Variants in XNDC1N observed in about 807,000 individuals in gnomAD.
XNDC1N encodes XRCC1 N-terminal domain containing 1, N-terminal like.
chr11:71,917,237 C>T, the XNDC1N span: 2 of 628,120 alleles, frequency 3.2e-6, no homozygotes, highest in East Asian at 2.8e-5. Context: ...TGGTCTCGAA[C>T]TCCTGACCTC....
the XNDC1N span, chr11:71,865,904 A>T: frequency 2.3e-6 from 1 of 434,760 alleles, no homozygotes; most frequent in Non-Finnish European, 4.5e-6. Context: ...ATCTCTACAC[A>T]TTACTAAAAG....
At chr11:71,884,369 T>G in the XNDC1N span, 1 of 1,519,886 alleles carries the variant, frequency 6.6e-7, no homozygotes, top group Non-Finnish European at 8.8e-7. Context: ...AAAAAGTAAG[T>G]AATATTGTGT....
the XNDC1N span, among the ~76,000 whole-genome samples, chr11:71,894,689 A>G: frequency 1.3e-5 from 2 of 152,230 alleles, no homozygotes; most frequent in Non-Finnish European, 2.9e-5. Context: ...AATCACAACC[A>G]TCTTTTCATA....
the XNDC1N span, among the ~76,000 whole-genome samples, chr11:71,896,504 A>G: frequency 6.6e-6 from 1 of 151,218 alleles, no homozygotes; most frequent in Admixed American, 6.5e-5. Context: ...GAAGCTTCCT[A>G]ACTTTCTCAT....
chr11:71,886,772 C>G, the XNDC1N span, among the ~76,000 whole-genome samples: 1 of 151,998 alleles, frequency 6.6e-6, no homozygotes. Flanking sequence ...TGTTTGTAAA[C>G]AGGGATGCAG....
At chr11:71,897,147 G>A in the XNDC1N span, among the ~76,000 whole-genome samples, 5 of 151,616 alleles carry the variant, frequency 3.3e-5, no homozygotes, top group African/African-American at 4.9e-5. Flanking sequence ...CATTGGCCAC[G>A]CTTTCATGAC....
the XNDC1N span, among the ~76,000 whole-genome samples, chr11:71,891,135 G>A: frequency 0.025 from 3,798 of 152,016 alleles, 65 homozygotes; most frequent in Middle Eastern, 0.061. Flanking sequence ...CAGGAGGGGT[G>A]TACACCCTCT....
chr11:71,870,391 C>G, the XNDC1N span, among the ~76,000 whole-genome samples: 1 of 152,174 alleles, frequency 6.6e-6, no homozygotes, highest in African/African-American at 2.4e-5. Flanking sequence ...TCCTGGGAAG[C>G]TGGTACCAGG....
the XNDC1N span, among the ~76,000 whole-genome samples, chr11:71,899,089 G>T: frequency 6.6e-6 from 1 of 152,084 alleles, no homozygotes; most frequent in African/African-American, 2.4e-5. Flanking sequence ...TTATTATACG[G>T]ACATCCTTAG....
chr11:71,901,051 T>C, the XNDC1N span, among the ~76,000 whole-genome samples: 3 of 152,064 alleles, frequency 2.0e-5, no homozygotes, highest in Non-Finnish European at 4.4e-5. Context: ...GCTAGACCAG[T>C]GGGTGCCACA....
At chr11:71,902,365 G>C in the XNDC1N span, among the ~76,000 whole-genome samples, 1 of 150,578 alleles carries the variant, frequency 6.6e-6, no homozygotes, top group African/African-American at 2.5e-5. Flanking sequence ...CGAAGTGTTT[G>C]TATTTTTAGT....
the XNDC1N span, among the ~76,000 whole-genome samples, chr11:71,874,673 G>A: frequency 6.6e-6 from 1 of 152,074 alleles, no homozygotes; most frequent in African/African-American, 2.4e-5. Context: ...GAGAGAGACA[G>A]CAACCTTGTG....
the XNDC1N span, among the ~76,000 whole-genome samples, chr11:71,907,065 A>G: frequency 6.6e-6 from 1 of 152,164 alleles, no homozygotes; most frequent in Admixed American, 6.5e-5. Flanking sequence ...CAAGCTGTAC[A>G]CACATTGTGA....
chr11:71,884,035 T>C, the XNDC1N span, among the ~76,000 whole-genome samples: 553 of 152,328 alleles, frequency 3.6e-3, 6 homozygotes, highest in African/African-American at 0.012. Flanking sequence ...CCCCTCCACT[T>C]ACACTAGATT....
the XNDC1N span, among the ~76,000 whole-genome samples, chr11:71,920,464 C>T: frequency 6.6e-6 from 1 of 151,988 alleles, no homozygotes. Flanking sequence ...TGCACCACCA[C>T]GCCTGGCTAA....
chr11:71,907,313 C>T, the XNDC1N span, among the ~76,000 whole-genome samples: 2 of 151,944 alleles, frequency 1.3e-5, no homozygotes, highest in African/African-American at 2.4e-5. Flanking sequence ...CCCCTCTCCC[C>T]CACTGGATAT....
At chr11:71,917,612 C>G in the XNDC1N span, 1 of 703,676 alleles carries the variant, frequency 1.4e-6, no homozygotes, top group Admixed American at 2.0e-5. Context: ...CTGCTTTTGC[C>G]CTCTTTACCA....
the XNDC1N span, chr11:71,923,278 G>A: frequency 1.4e-6 from 1 of 702,446 alleles, no homozygotes; most frequent in Non-Finnish European, 2.6e-6. Flanking sequence ...CAGTTATTAA[G>A]AAAACAAATC....
chr11:71,923,356 T>C, the XNDC1N span: 1 of 702,964 alleles, frequency 1.4e-6, no homozygotes, highest in Non-Finnish European at 2.6e-6. Flanking sequence ...GGAGCCATGG[T>C]GGGCCCAGCA....
Sources: allele counts gnomAD v4.1 joint callset (sites outside exome capture counted in the v4.1 genomes callset), GRCh38; gene constraint gnomAD v4.1.1; transcripts MANE v1.5; gene names NCBI Gene and HGNC (gene_info 2026-07-23, HGNC 2026-07-21).